Variants in KIF26B observed in about 807,000 individuals in gnomAD.
KIF26B encodes kinesin family member 26B.
In KIF26B, 63 loss-of-function variants were observed where a neutral mutation model predicts 151.2. That is an observed-to-expected ratio of 0.42 (90% CI 0.34 to 0.51). The LOEUF (loss-of-function observed/expected upper bound fraction) is 0.51, where lower values mean the gene tolerates loss of function less well. Ranked by LOEUF, KIF26B falls within the 20% of genes least tolerant of loss-of-function variation. KIF26B has a pLI of 0.07. For synonymous variants in KIF26B, 1,357 were observed against 1,262.1 expected, an observed-to-expected ratio of 1.08 and a Z score of -1.59; for missense variants, 2,813 against 2,913.6, an observed-to-expected ratio of 0.97 and a Z score of 0.79.
In KIF26B at chr1:245,367,031, G is replaced by T; in HGVS notation, c.663G>T (p.Pro221=). The change falls in exon 3 of 15, where the codon CCG becomes CCT. Residue 221 remains proline (P), a synonymous_variant. Coordinates refer to ENST00000407071, the MANE Select transcript of KIF26B (RefSeq NM_018012.4). This position sits in a 1 kb window ranked among gnomAD's most constrained non-coding sequence, Gnocchi z 4.2. The part of the protein sequence containing the change: ...SEHYDASPCS[P]PPLSNIPTLV... ...ACTACGACGCCTCGCCCTGCTCCCC[G>T]CCACCGCTCTCCAACATCCCCACCC... 1 of 1,610,548 alleles carries T rather than the reference G, an allele frequency of 6.2e-7. No individual in the cohort carries two copies.
chr1:245,672,381 G>A (rs377243784), intron 10 of KIF26B, among the ~76,000 whole-genome samples: 13 of 152,196 alleles, frequency 8.5e-5, no homozygotes, highest in Admixed American at 1.3e-4. Context: ...ACAGACGTGC[G>A]CATGAAATCA....
chr1:245,523,032 A>C (rs532632607), intron 4 of KIF26B, among the ~76,000 whole-genome samples: 2 of 152,218 alleles, frequency 1.3e-5, no homozygotes, highest in Non-Finnish European at 2.9e-5. Context: ...TGAACTTTGC[A>C]ACAATTCCAT....
At chr1:245,280,463 A>G (rs1484908069) in intron 2 of KIF26B, among the ~76,000 whole-genome samples, 3 of 148,992 alleles carry the variant, frequency 2.0e-5, no homozygotes, top group African/African-American at 5.0e-5. Context: ...CCTGGGAGAC[A>G]GAGCTTGCAG....
intron 4 of KIF26B, among the ~76,000 whole-genome samples, chr1:245,420,618 C>A (rs563430875): frequency 1.2e-4 from 19 of 152,348 alleles, no homozygotes; most frequent in Non-Finnish European, 2.4e-4. Flanking sequence ...GCGATAGCAT[C>A]AGATACGAAA....
intron 2 of KIF26B, among the ~76,000 whole-genome samples, chr1:245,342,602 G>A (rs1308473381): frequency 6.6e-6 from 1 of 152,054 alleles, no homozygotes; most frequent in Non-Finnish European, 1.5e-5. Flanking sequence ...CCCGGGGCTG[G>A]AGGCCTGTAA....
In KIF26B at chr1:245,244,777, C is replaced by T. The variant is rs1219286923; in HGVS notation, c.465+88094C>T. On this transcript the variant is annotated intron_variant, in intron 2 of 14. Transcript: ENST00000407071. This position sits in a 1 kb window ranked among gnomAD's most constrained non-coding sequence, Gnocchi z 4.2. Reference sequence around the variant, plus strand: ...ACACTCACACACACACACACACACACACACACACACACACAGAACTGCTTT... The same window carrying T: ...ACACTCACACACACACACACACACATACACACACACACACAGAACTGCTTT... Among the ~76,000 whole-genome samples, 1 of 151,064 alleles carries T rather than the reference C, an allele frequency of 6.6e-6. No homozygotes were observed.
intron 4 of KIF26B, among the ~76,000 whole-genome samples, chr1:245,522,043 G>C (rs998347888): frequency 6.6e-6 from 1 of 151,952 alleles, no homozygotes; most frequent in Non-Finnish European, 1.5e-5. Flanking sequence ...CTAATTTTTT[G>C]TATTTTTAGT....
chr1:245,326,135 T>C (rs77061391), intron 2 of KIF26B, among the ~76,000 whole-genome samples: 8,727 of 152,174 alleles, frequency 0.057, 300 homozygotes, highest in African/African-American at 0.091. Context: ...CTTCTAAAAG[T>C]AAGGCGTGTT....
chr1:245,348,013 G>A (rs59227625), intron 2 of KIF26B, among the ~76,000 whole-genome samples: 22,474 of 152,168 alleles, frequency 0.15, 2,859 homozygotes, highest in African/African-American at 0.33. Context: ...TGCCATAAGT[G>A]GTATAAAATG....
At chr1:245,657,773 C>T (rs2044090153) in intron 10 of KIF26B, among the ~76,000 whole-genome samples, 2 of 152,188 alleles carry the variant, frequency 1.3e-5, no homozygotes, top group South Asian at 2.1e-4. Context: ...TACCCTACTC[C>T]AGTACTGTAC....
At chr1:245,623,036 T>G (rs1028571445) in intron 9 of KIF26B, among the ~76,000 whole-genome samples, 1 of 149,974 alleles carries the variant, frequency 6.7e-6, no homozygotes. Flanking sequence ...GTTTTTTTTT[T>G]TTTTTTTTTT....
intron 2 of KIF26B, among the ~76,000 whole-genome samples, chr1:245,202,383 T>C (rs1313675865): frequency 1.3e-5 from 2 of 151,972 alleles, no homozygotes. Context: ...GTGTGGCAGA[T>C]CTAGGTTCAC....
rs781604470 is a variant in KIF26B, at chr1:245,688,706, C to G, written c.5723C>G (p.Thr1908Ser). The change falls in exon 12 of 15, where the codon ACC becomes AGC. Residue 1908 changes from threonine to serine, a missense_variant. This residue lies in a region of KIF26B where 2,060 missense variants were observed against 2,088.6 expected (regional missense o/e 0.99). Transcript: ENST00000407071. ...AGCGTGATGCGGGACAGCGAGGCCA[C>G]CGGCAGCGCGTCCTCGGCGCAGGAC... ...YESVMRDSEATGSASSAQDST... is the reference protein window; with the variant it reads ...YESVMRDSEASGSASSAQDST... 6.2e-7 allele frequency: 1 copy of G among 1,607,694 alleles called. No homozygotes were observed. The highest frequency in any genetic ancestry group is 1.1e-5 in the South Asian group (1 of 90,052).
In KIF26B at chr1:245,572,899, G is replaced by T. The variant is rs955605350; in HGVS notation, c.1351-29678G>T. Among the ~76,000 whole-genome samples the T allele has an allele frequency of 2.6e-5, 4 of 152,078 alleles. No homozygotes were observed. The highest frequency in any genetic ancestry group is 5.9e-5 in the Non-Finnish European group (4 of 68,020). On this transcript the variant is annotated intron_variant, in intron 5 of 14. Coordinates refer to ENST00000407071, the MANE Select transcript of KIF26B (RefSeq NM_018012.4). The surrounding 1 kb of genome is among the most constrained non-coding windows in gnomAD (Gnocchi z 4.2). ...AAGGGCACCTGTCCCAAGCAGAAAT[G>T]GAGAAACACGTCCTCACCTCCTCCT...
rs2147973220 is a variant in KIF26B at position 245,703,395 on chromosome 1, T to C, written c.*789T>C. The C allele has an allele frequency of 6.6e-6, 1 of 152,348 alleles. No individual in the cohort carries two copies. The highest frequency in any genetic ancestry group is 1.5e-5 in the Non-Finnish European group (1 of 68,038). The allele number at this position is 152,348 out of a possible 1,614,324, so 9.4% of individuals were successfully genotyped here. ...TGGTCAGGTAGACCCAGAAGGTTGATTGTGGGGCAGGTGCTTTAGAGAACA... is the reference window on the plus strand; with the variant it reads ...TGGTCAGGTAGACCCAGAAGGTTGACTGTGGGGCAGGTGCTTTAGAGAACA... On this transcript the variant is annotated 3_prime_UTR_variant, in exon 15 of 15. Transcript: ENST00000407071.
chr1:245,622,800 G>A (rs1019502040), intron 9 of KIF26B, among the ~76,000 whole-genome samples: 2 of 152,148 alleles, frequency 1.3e-5, no homozygotes, highest in African/African-American at 2.4e-5. Context: ...GCAGCATTCC[G>A]CTGCTGCCTG....
rs1254948719 is a variant in KIF26B, at chr1:245,679,432, GGTTTTTTGTGT to G, written c.2259-4800_2259-4790del. ...AAAGACATTTTTCTAAAAATCTGGG[GGTTTTTTGTGT>G]TTTTTTTGTGTGTGTTTTTTTTTTT... is the stretch of plus-strand genomic sequence containing the variant. On this transcript the variant is annotated intron_variant, in intron 10 of 14. Coordinates refer to ENST00000407071, the MANE Select transcript of KIF26B (RefSeq NM_018012.4). Among the ~76,000 whole-genome samples, 4 of 141,584 alleles carry G rather than the reference GGTTTTTTGTGT, an allele frequency of 2.8e-5. No homozygotes were observed. In the East Asian group the frequency reaches 8.1e-4, roughly 29 times the overall value. 92.9% of individuals were successfully genotyped at this position (141,584 alleles called of 152,430 possible). A position where few individuals can be genotyped will look rare whatever the true frequency, so the allele number is the denominator to read the frequency against.
In KIF26B at chr1:245,365,750, C is replaced by T. The variant is rs150831859; in HGVS notation, c.466-1084C>T. On this transcript the variant is annotated intron_variant, in intron 2 of 14. Coordinates refer to ENST00000407071, the MANE Select transcript of KIF26B (RefSeq NM_018012.4). The stretch of plus-strand genomic sequence containing the variant: ...TCTCCTATCCCAGTTCCCCCACGAA[C>T]GGAGTCATGGAGCTGGAAGGTCCTT... Among the ~76,000 whole-genome samples the T allele has an allele frequency of 2.9e-3, 436 of 152,250 alleles. 3 individuals are homozygous for T. Among genetic ancestry groups the T allele is most frequent in the Non-Finnish European group, 4.7e-3 (320 of 68,022 alleles).
chr1:245,504,904 A>C (rs1331804150), intron 4 of KIF26B, among the ~76,000 whole-genome samples: 1 of 152,172 alleles, frequency 6.6e-6, no homozygotes, highest in African/African-American at 2.4e-5. Context: ...ATGACAAACT[A>C]AATGATGGTT....
Sources: gnomAD v4.1 joint callset for allele counts (sites outside exome capture counted in the v4.1 genomes callset) on GRCh38, gnomAD v4.1.1 for gene constraint, gnomAD v4.1.1 regional missense constraint, Gnocchi (gnomAD v3.1) non-coding constraint, MANE v1.5 for transcripts, NCBI Gene and HGNC (gene_info 2026-07-23, HGNC 2026-07-21) for gene names.